ERBIN: variants seen among roughly 807,000 people sequenced by gnomAD.
ERBIN encodes the protein erbb2 interacting protein, also known as densin-180-like protein.
ERBIN carries 60 observed loss-of-function variants against 158.4 expected under a neutral mutation model. That is an observed-to-expected ratio of 0.38 (90% CI 0.31 to 0.47). The LOEUF (loss-of-function observed/expected upper bound fraction) is 0.47, where lower values mean the gene tolerates loss of function less well. Ranked by LOEUF, ERBIN falls within the 20% of genes least tolerant of loss-of-function variation. ERBIN has a pLI of 0.99. For synonymous variants in ERBIN, 594 were observed against 557.2 expected (o/e 1.07, Z -0.93); for missense variants, 1,610 against 1,648.0 (o/e 0.98, Z 0.40).
At chr5:66,066,424 C>G (rs1760995813) in intron 21 of ERBIN, among the ~76,000 whole-genome samples, 1 of 151,716 alleles carries the variant, frequency 6.6e-6, no homozygotes, top group Non-Finnish European at 1.5e-5. Context: ...AAATTTGCTA[C>G]TTTACTCAGC....
chr5:65,933,212 T>G (rs1039039061), intron 1 of ERBIN, among the ~76,000 whole-genome samples: 2 of 152,242 alleles, frequency 1.3e-5, no homozygotes. Flanking sequence ...CTTACTGTGC[T>G]TTTGGTGTAT....
intron 21 of ERBIN, among the ~76,000 whole-genome samples, chr5:66,068,252 C>A (rs1015433690): frequency 6.6e-6 from 1 of 151,642 alleles, no homozygotes; most frequent in East Asian, 1.9e-4. Flanking sequence ...GAGGCAAGAT[C>A]TTTGAGCCCA....
intron 7 of ERBIN, among the ~76,000 whole-genome samples, chr5:66,018,061 G>A (rs251593): frequency 0.73 from 111,435 of 151,736 alleles, 42,670 homozygotes; most frequent in Non-Finnish European, 0.86. Context: ...ATACCATGCT[G>A]TTTTGATTAC....
chr5:65,964,938 GTGTGTGT>G, intron 1 of ERBIN, among the ~76,000 whole-genome samples: 1 of 53,384 alleles, frequency 1.9e-5, no homozygotes, highest in Non-Finnish European at 5.3e-5. Flanking sequence ...GTGTGTGTGT[GTGTGTGT>G]AATTTTTTTT....
At chr5:65,975,375 G>T (rs539928203) in intron 1 of ERBIN, among the ~76,000 whole-genome samples, 6 of 152,026 alleles carry the variant, frequency 3.9e-5, no homozygotes, top group African/African-American at 1.4e-4. Context: ...GCGCAATCTC[G>T]GCTCACTGTA....
intron 1 of ERBIN, among the ~76,000 whole-genome samples, chr5:65,939,405 C>A (rs1181874941): frequency 6.6e-6 from 1 of 152,144 alleles, no homozygotes; most frequent in African/African-American, 2.4e-5. Context: ...CCACTGCATT[C>A]CAGCCTGGGC....
At chr5:65,959,879 A>T (rs1747722767) in intron 1 of ERBIN, among the ~76,000 whole-genome samples, 1 of 152,202 alleles carries the variant, frequency 6.6e-6, no homozygotes, top group African/African-American at 2.4e-5. Context: ...CTTTGCCATG[A>T]CCTCATTAGA....
At position 65,990,627 on chromosome 5, in the gene ERBIN, C is replaced by T. The variant is rs193991; in HGVS notation, c.-10+1945C>T. Among the ~76,000 whole-genome samples the T allele has an allele frequency of 2.2e-4, 33 of 149,250 alleles. No homozygotes were observed. In the East Asian group the frequency reaches 6.8e-3, roughly 31 times the overall value. On this transcript the variant is annotated intron_variant, in intron 2 of 25. Coordinates refer to ENST00000284037, the MANE Select transcript of ERBIN (RefSeq NM_001253697.2). ...GAGCTGAGATCGTGCCACTGCACTCCAGCCTGGGTGACAGAGCAAGACTCC... is the reference window on the plus strand; with the variant it reads ...GAGCTGAGATCGTGCCACTGCACTCTAGCCTGGGTGACAGAGCAAGACTCC...
intron 14 of ERBIN, among the ~76,000 whole-genome samples, chr5:66,029,040 A>G (rs762296976): frequency 2.6e-5 from 4 of 152,040 alleles, no homozygotes; most frequent in Non-Finnish European, 2.9e-5. Flanking sequence ...CACACACTAC[A>G]TTTTCTTTGT....
intron 16 of ERBIN, among the ~76,000 whole-genome samples, chr5:66,043,669 T>A (rs573459887): frequency 1.3e-5 from 2 of 152,300 alleles, no homozygotes; most frequent in South Asian, 4.1e-4. Flanking sequence ...AGTAAATACA[T>A]ATTTTTTAGT....
At chr5:65,954,199 A>G (rs1271638734) in intron 1 of ERBIN, among the ~76,000 whole-genome samples, 1 of 151,758 alleles carries the variant, frequency 6.6e-6, no homozygotes, top group Non-Finnish European at 1.5e-5. Flanking sequence ...TTCTCCTCTC[A>G]CCCCCAGATT....
chr5:65,937,504 T>C lies in ERBIN; in HGVS notation c.-58+10698T>C, dbSNP rs531275869. ...TTGTGTTTTTTATGATACTATGCTA[T>C]TTTGACCTCTCTCCCCTTCATTGTA... On this transcript the variant is annotated intron_variant, in intron 1 of 25. Coordinates refer to ENST00000284037, the MANE Select transcript of ERBIN (RefSeq NM_001253697.2). 7.9e-5 allele frequency among the ~76,000 whole-genome samples: 12 copies of C among 152,340 alleles called. No individual in the cohort carries two copies. In the South Asian group the frequency reaches 2.1e-3, roughly 26 times the overall value.
At chr5:65,974,519 G>C (rs73762636) in intron 1 of ERBIN, among the ~76,000 whole-genome samples, 6,103 of 152,174 alleles carry the variant, frequency 0.04, 416 homozygotes, top group African/African-American at 0.14. Context: ...TAAGTAGATT[G>C]ATACCCTGTT....
chr5:65,967,677 G>A (rs992329697), intron 1 of ERBIN, among the ~76,000 whole-genome samples: 3 of 152,218 alleles, frequency 2.0e-5, no homozygotes, highest in African/African-American at 4.8e-5. Flanking sequence ...AGCAATGCAC[G>A]ATTGTTTCTT....
chr5:65,964,868 T>C (rs1748353797), intron 1 of ERBIN, among the ~76,000 whole-genome samples: 1 of 148,172 alleles, frequency 6.7e-6, no homozygotes, highest in Admixed American at 6.7e-5. Flanking sequence ...GCCTCCCAAG[T>C]AGCTGGGACT....
chr5:65,932,463 T>G (rs1743561402), intron 1 of ERBIN, among the ~76,000 whole-genome samples: 1 of 152,198 alleles, frequency 6.6e-6, no homozygotes, highest in Non-Finnish European at 1.5e-5. Context: ...AACATCAGTG[T>G]AAAATGTAAA....
At chr5:65,977,245 G>T (rs1212297691) in intron 1 of ERBIN, among the ~76,000 whole-genome samples, 1 of 146,892 alleles carries the variant, frequency 6.8e-6, no homozygotes, top group African/African-American at 2.7e-5. Context: ...CGGGCGGGGG[G>T]CTGACCCCCC....
At chr5:66,009,090 G>T (rs901029780) in intron 4 of ERBIN, among the ~76,000 whole-genome samples, 1 of 152,182 alleles carries the variant, frequency 6.6e-6, no homozygotes, top group East Asian at 1.9e-4. Context: ...CCACATTGGC[G>T]TCTGAGCATG....
chr5:66,050,691 A>C, intron 19 of ERBIN, 92 bp from the exon 20 acceptor site: 1 of 723,388 alleles, frequency 1.4e-6, no homozygotes, highest in Non-Finnish European at 2.2e-6. Context: ...ATATAGAACC[A>C]GGATGGTATA....
Sources: gnomAD v4.1 joint callset for allele counts (sites outside exome capture counted in the v4.1 genomes callset) on GRCh38, gnomAD v4.1.1 for gene constraint, MANE v1.5 for transcripts, NCBI Gene and HGNC (gene_info 2026-07-23, HGNC 2026-07-21) for gene names.